The following GASK1A variants were observed in gnomAD, a reference collection of about 807,000 sequenced individuals.
GASK1A encodes the protein golgi associated kinase 1A, also known as Golgi-associated kinase 1A.
Under a neutral mutation model 41.2 loss-of-function variants are expected in GASK1A, and 40 were observed. The observed-to-expected ratio is 0.97, with a 90% CI of 0.75 to 1.27. The LOEUF (loss-of-function observed/expected upper bound fraction) is 1.27, where lower values mean the gene tolerates loss of function less well. GASK1A is among the 50% of genes most tolerant of loss of function. The probability of loss-of-function intolerance (pLI) is 0.00; values close to 1 mark genes in which losing one functional copy is unlikely to be tolerated. For synonymous variants in GASK1A, 316 were observed against 307.1 expected (o/e 1.03, Z -0.30); for missense variants, 678 against 745.1 (o/e 0.91, Z 1.05).
At chr3:43,016,434 A>G (rs1045900104) in intron 1 of GASK1A, among the ~76,000 whole-genome samples, 1 of 151,558 alleles carries the variant, frequency 6.6e-6, no homozygotes, top group African/African-American at 2.4e-5. Flanking sequence ...GAGCAGTGTG[A>G]CATGACAGGA....
At chr3:43,027,597 TA>T (rs1337419797) in intron 1 of GASK1A, among the ~76,000 whole-genome samples, 1 of 152,168 alleles carries the variant, frequency 6.6e-6, no homozygotes, top group Admixed American at 6.5e-5. Context: ...GAAATAATTT[TA>T]ATATTGTTCT....
At chr3:42,996,999 C>A (rs2089378392) in intron 1 of GASK1A, among the ~76,000 whole-genome samples, 1 of 152,252 alleles carries the variant, frequency 6.6e-6, no homozygotes, top group Non-Finnish European at 1.5e-5. Context: ...GCTAAGGGCC[C>A]TGTGCAGAAC....
chr3:43,042,239 T>G (rs527295614), intron 2 of GASK1A, among the ~76,000 whole-genome samples: 1 of 147,998 alleles, frequency 6.8e-6, no homozygotes, highest in East Asian at 2.0e-4. Context: ...GTGGGCCAGG[T>G]GGGAGGATTG....
Position 43,050,343 on chromosome 3 carries a change from A to G in GASK1A, c.1291-3178A>G, listed in dbSNP as rs140805550. Among the ~76,000 whole-genome samples the G allele has an allele frequency of 3.6e-3, 545 of 152,198 alleles. 1 individual carries two copies. Among genetic ancestry groups the G allele is most frequent in the Admixed American group, 6.9e-3 (105 of 15,292 alleles). ...TTTTAATTTAATTTCAACACTTTGA[A>G]TGTTATTCCTCTGCCTTTTGGCCTC... is the stretch of plus-strand genomic sequence containing the variant. On this transcript the variant is annotated intron_variant, in intron 2 of 4. Coordinates refer to ENST00000430121, the MANE Select transcript of GASK1A (RefSeq NM_001129908.3).
intron 1 of GASK1A, among the ~76,000 whole-genome samples, chr3:42,995,181 T>G (rs937961256): frequency 1.3e-5 from 2 of 152,224 alleles, no homozygotes; most frequent in African/African-American, 4.8e-5. Flanking sequence ...CGCCTATGTT[T>G]CGTTTCTTCA....
At chr3:43,022,312 T>TCTGCAAAA (rs1218477859) in intron 1 of GASK1A, among the ~76,000 whole-genome samples, 4 of 152,196 alleles carry the variant, frequency 2.6e-5, no homozygotes, top group Non-Finnish European at 5.9e-5. Context: ...AACTTTTCTC[T>TCTGCAAAA]CTGCACAACT....
intron 1 of GASK1A, among the ~76,000 whole-genome samples, chr3:43,021,515 G>C (rs925431572): frequency 6.6e-6 from 1 of 152,122 alleles, no homozygotes; most frequent in African/African-American, 2.4e-5. Context: ...CCCAGGAAGA[G>C]GAGTATTTTC....
intron 1 of GASK1A, among the ~76,000 whole-genome samples, chr3:42,990,805 C>T (rs1036011715): frequency 4.6e-5 from 7 of 152,148 alleles, no homozygotes; most frequent in Admixed American, 3.9e-4. Context: ...CTAGGTGTCA[C>T]TCTTTTTTAT....
chr3:42,996,442 A>T lies in GASK1A; in HGVS notation c.3+16797A>T, dbSNP rs140184164. Among the ~76,000 whole-genome samples the T allele has an allele frequency of 6.3e-4, 96 of 152,292 alleles. 1 individual carries two copies. The highest frequency in any genetic ancestry group is 2.1e-3 in the African/African-American group (89 of 41,566). On this transcript the variant is annotated intron_variant, in intron 1 of 4. Transcript: ENST00000430121. ...AAGAGGGCTTTTGTCTCTTTTGTTC[A>T]TGATGTTTCTCTTCTGCCTGGAGCA...
chr3:43,048,764 C>T (rs1575452295), intron 2 of GASK1A, among the ~76,000 whole-genome samples: 1 of 152,258 alleles, frequency 6.6e-6, no homozygotes, highest in East Asian at 1.9e-4. Context: ...GGCAAGAGTA[C>T]CTCTACATAT....
chr3:43,037,310 G>A, intron 2 of GASK1A: 1 of 870,958 alleles, frequency 1.1e-6, no homozygotes, highest in Non-Finnish European at 2.0e-6. Context: ...GTGATGACAG[G>A]GCTCCCAGCC....
chr3:43,056,041 G>T, intron 4 of GASK1A, 135 bp from the exon 5 acceptor site: 3 of 680,834 alleles, frequency 4.4e-6, no homozygotes, highest in Non-Finnish European at 7.5e-6. Context: ...CAGGTCTGGG[G>T]AGTTTGCCAG....
At chr3:42,986,559 G>T (rs754224053) in intron 1 of GASK1A, among the ~76,000 whole-genome samples, 1 of 152,200 alleles carries the variant, frequency 6.6e-6, no homozygotes, top group African/African-American at 2.4e-5. Flanking sequence ...GCAAAAATGA[G>T]CTGTTAAAAT....
intron 1 of GASK1A, among the ~76,000 whole-genome samples, chr3:43,003,257 G>A (rs1447643219): frequency 2.0e-5 from 3 of 152,152 alleles, no homozygotes; most frequent in Admixed American, 2.0e-4. Context: ...CACTTTGGGA[G>A]GCCAAGGCAG....
chr3:42,985,826 G>A (rs1449335793), intron 1 of GASK1A, among the ~76,000 whole-genome samples: 2 of 152,128 alleles, frequency 1.3e-5, no homozygotes, highest in Non-Finnish European at 2.9e-5. Flanking sequence ...GTTAAAAAGT[G>A]AAGCAAAACA....
chr3:43,009,214 G>A (rs931611154), intron 1 of GASK1A, among the ~76,000 whole-genome samples: 1 of 152,116 alleles, frequency 6.6e-6, no homozygotes, highest in African/African-American at 2.4e-5. Context: ...ATCCTTCAGC[G>A]CATCCTTCTA....
At chr3:42,981,135 C>T (rs2089280908) in intron 1 of GASK1A, among the ~76,000 whole-genome samples, 2 of 152,148 alleles carry the variant, frequency 1.3e-5, no homozygotes, top group East Asian at 3.9e-4. Context: ...TGCAGCTTCC[C>T]GGTTTCACGT....
rs2125686392 is a variant in GASK1A at position 43,032,286 on chromosome 3, A to G, written c.23A>G (p.Lys8Arg). The G allele has an allele frequency of 6.5e-7, 1 of 1,526,966 alleles. No homozygotes were observed. The highest frequency in any genetic ancestry group is 8.9e-7 in the Non-Finnish European group (1 of 1,128,488). The allele number at this position is 1,526,966 out of a possible 1,614,324, so 94.6% of individuals were successfully genotyped here. MASWLRRKLRGKRRPVIA... is the reference protein window; with the variant it reads MASWLRRRLRGKRRPVIA... ...TCTCAGGCGTCTTGGCTCCGGAGAA[A>G]GCTGCGTGGCAAGAGGCGGCCAGTG... The change falls in exon 2 of 5, where the codon AAG becomes AGG. Residue 8 changes from lysine (K) to arginine (R), a missense_variant. Coordinates refer to ENST00000430121, the MANE Select transcript of GASK1A (RefSeq NM_001129908.3).
intron 2 of GASK1A, chr3:43,037,429 C>G: frequency 1.1e-6 from 1 of 871,466 alleles, no homozygotes. Flanking sequence ...CTGGAGGCAG[C>G]TGTCTTAAAT....
Sources: gnomAD v4.1 joint callset for allele counts (sites outside exome capture counted in the v4.1 genomes callset) on GRCh38, gnomAD v4.1.1 for gene constraint, MANE v1.5 for transcripts, NCBI Gene and HGNC (gene_info 2026-07-23, HGNC 2026-07-21) for gene names.